Variants in CFAP54 observed in about 807,000 individuals in gnomAD.
CFAP54 encodes the protein cilia- and flagella-associated protein 54.
CFAP54 carries 290 observed loss-of-function variants against 370.4 expected under a neutral mutation model. That is an observed-to-expected ratio of 0.78 (90% CI 0.71 to 0.86). CFAP54 has a LOEUF of 0.86. Among genes scored for constraint, CFAP54 ranks in the 40% least tolerant of loss-of-function variants. The pLI is 0.00. For synonymous variants in CFAP54, 1,206 were observed against 1,236.5 expected, an observed-to-expected ratio of 0.98 and a Z score of 0.52; for missense variants, 3,399 against 3,528.7, an observed-to-expected ratio of 0.96 and a Z score of 0.93.
At chr12:96,510,357 C>T (rs965113154) in intron 4 of CFAP54, among the ~76,000 whole-genome samples, 8 of 151,972 alleles carry the variant, frequency 5.3e-5, no homozygotes, top group Non-Finnish European at 7.4e-5. Context: ...CTCTCTGAGT[C>T]TGGCTTTTGC....
At position 96,679,674 on chromosome 12, in the gene CFAP54, C is replaced by G; in HGVS notation, c.5638C>G (p.Leu1880Val). ...TDTLRCFRET[L>V]EKSKYHNRSI... ...CACCTTGAGGTGTTTTAGAGAGACACTGGAAAAATCCAAATACCATAACAG... is the reference window on the plus strand; with the variant it reads ...CACCTTGAGGTGTTTTAGAGAGACAGTGGAAAAATCCAAATACCATAACAG... Residue 1880 changes from leucine (L) to valine (V), a missense_variant, in exon 40 of 68, where the codon CTG becomes GTG. Leu to Val is a conservative substitution (Grantham distance 32). Transcript: ENST00000524981. The G allele has an allele frequency of 6.2e-7, 1 of 1,614,028 alleles. No homozygotes were observed. The highest frequency in any genetic ancestry group is 1.1e-5 in the South Asian group (1 of 91,054).
intron 65 of CFAP54, among the ~76,000 whole-genome samples, chr12:96,828,017 A>G (rs558427186): frequency 6.5e-5 from 8 of 122,722 alleles, no homozygotes; most frequent in Admixed American, 1.1e-4. Flanking sequence ...AATTATATAT[A>G]ATACGTATTA....
Position 96,500,864 on chromosome 12 carries a change from A to G in CFAP54, c.348A>G (p.Lys116=). 4 of 1,535,636 alleles carry G rather than the reference A, an allele frequency of 2.6e-6. No homozygotes were observed. Among genetic ancestry groups the G allele is most frequent in the Middle Eastern group, 3.3e-4 (2 of 5,986 alleles). The change falls in exon 2 of 68, where the codon AAA becomes AAG. Residue 116 remains lysine, a synonymous_variant. Transcript: ENST00000524981. The part of the protein sequence containing the change: ...CATSLFNIWT[K]YAPRLPADYY... ...CTTCTTTGTTTAATATCTGGACTAA[A>G]TACGCCCCCAGGCTGCCAGCAGACT...
chr12:96,798,364 A>G (rs1958787942), intron 63 of CFAP54, among the ~76,000 whole-genome samples: 1 of 152,090 alleles, frequency 6.6e-6, no homozygotes, highest in Non-Finnish European at 1.5e-5. Flanking sequence ...TATTTGTAAA[A>G]TAAATTTTCA....
intron 49 of CFAP54, among the ~76,000 whole-genome samples, chr12:96,720,203 G>T (rs895427195): frequency 6.6e-6 from 1 of 152,202 alleles, no homozygotes; most frequent in African/African-American, 2.4e-5. Flanking sequence ...GCATGCTGAC[G>T]CTTGCTTTCA....
intron 50 of CFAP54, among the ~76,000 whole-genome samples, chr12:96,731,947 A>T (rs1366820877): frequency 2.0e-5 from 3 of 152,194 alleles, no homozygotes; most frequent in Admixed American, 2.0e-4. Flanking sequence ...ATCAAAGAAG[A>T]ACTTTAAAAC....
intron 39 of CFAP54, among the ~76,000 whole-genome samples, chr12:96,664,702 T>TATAG (rs1402535167): frequency 1.1e-4 from 1 of 9,504 alleles, no homozygotes; most frequent in African/African-American, 4.7e-4. Flanking sequence ...TATATCTATA[T>TATAG]ATATATATAT....
intron 67 of CFAP54, among the ~76,000 whole-genome samples, chr12:96,864,251 G>A (rs1455512332): frequency 6.6e-6 from 1 of 152,112 alleles, no homozygotes; most frequent in Non-Finnish European, 1.5e-5. Flanking sequence ...AACTGAAAGG[G>A]GGAGAAGAAG....
intron 43 of CFAP54, among the ~76,000 whole-genome samples, chr12:96,689,875 G>T (rs1219375832): frequency 6.6e-6 from 1 of 151,986 alleles, no homozygotes; most frequent in Admixed American, 6.6e-5. Flanking sequence ...TATCAGAGAA[G>T]TCTCACAGCT....
intron 36 of CFAP54, among the ~76,000 whole-genome samples, chr12:96,652,894 G>A (rs1956877818): frequency 6.6e-6 from 1 of 152,228 alleles, no homozygotes; most frequent in Non-Finnish European, 1.5e-5. Flanking sequence ...GAGAGATAAA[G>A]AGGGACATTT....
intron 17 of CFAP54, among the ~76,000 whole-genome samples, chr12:96,563,271 G>A (rs1955834231): frequency 6.6e-6 from 1 of 152,134 alleles, no homozygotes; most frequent in Non-Finnish European, 1.5e-5. Flanking sequence ...CAATATCTCT[G>A]GGTTTCCTTG....
chr12:96,832,498 G>C (rs1959174395), intron 66 of CFAP54, among the ~76,000 whole-genome samples: 1 of 151,836 alleles, frequency 6.6e-6, no homozygotes, highest in African/African-American at 2.4e-5. Context: ...TTGTTGTGAA[G>C]ATTAAAGTAG....
chr12:96,874,791 G>A (rs963120575), intron 67 of CFAP54, among the ~76,000 whole-genome samples: 1 of 151,530 alleles, frequency 6.6e-6, no homozygotes, highest in African/African-American at 2.4e-5. Flanking sequence ...CACTACGCCC[G>A]GCTAACTTTT....
intron 66 of CFAP54, among the ~76,000 whole-genome samples, chr12:96,839,133 C>T (rs1292529654): frequency 6.6e-6 from 1 of 152,174 alleles, no homozygotes; most frequent in African/African-American, 2.4e-5. Flanking sequence ...GTCTAGTTGC[C>T]TGGCTCCAAA....
At position 96,533,797 on chromosome 12, in the gene CFAP54, A is replaced by G; in HGVS notation, c.1363A>G (p.Asn455Asp). The change falls in exon 10 of 68, where the codon AAT (asparagine) becomes GAT (aspartate). Residue 455 changes from asparagine (N) to aspartate (D), a missense_variant. Coordinates refer to ENST00000524981, the MANE Select transcript of CFAP54 (RefSeq NM_001306084.2). Reference protein sequence around the residue: ...MAGKELLIMSNIGADGMLDFP... With the variant: ...MAGKELLIMSDIGADGMLDFP... Reference sequence around the variant, plus strand: ...CTCTCTTCTTCCTTTCCTAGTGTCAAATATTGGTGCAGATGGAATGCTTGA... The same window carrying G: ...CTCTCTTCTTCCTTTCCTAGTGTCAGATATTGGTGCAGATGGAATGCTTGA... 1 of 1,509,980 alleles carries G rather than the reference A, an allele frequency of 6.6e-7. No homozygotes were observed. Among genetic ancestry groups the G allele is most frequent in the African/African-American group, 1.4e-5 (1 of 71,544 alleles). 93.5% of individuals were successfully genotyped at this position (1,509,980 alleles called of 1,614,324 possible).
intron 55 of CFAP54, among the ~76,000 whole-genome samples, chr12:96,746,667 G>A (rs1261905639): frequency 6.6e-6 from 1 of 152,116 alleles, no homozygotes; most frequent in Non-Finnish European, 1.5e-5. Flanking sequence ...TTCTTATGAT[G>A]TGGTCCAAGC....
At chr12:96,615,802 A>G (rs1956410196) in intron 26 of CFAP54, among the ~76,000 whole-genome samples, 1 of 152,192 alleles carries the variant, frequency 6.6e-6, no homozygotes, top group Non-Finnish European at 1.5e-5. Context: ...GCAAATCAAA[A>G]CCACAATGAG....
At chr12:96,728,115 C>T (rs1451073585) in intron 50 of CFAP54, among the ~76,000 whole-genome samples, 12 of 152,146 alleles carry the variant, frequency 7.9e-5, no homozygotes, top group Non-Finnish European at 1.6e-4. Context: ...TAACATTTCT[C>T]CCTTCATTTC....
chr12:96,850,406 G>A (rs180834625), intron 66 of CFAP54, among the ~76,000 whole-genome samples: 20 of 152,140 alleles, frequency 1.3e-4, no homozygotes, highest in Admixed American at 6.5e-5. Context: ...GGGAGAGGCT[G>A]CACGAAGCAG....
Sources: allele counts gnomAD v4.1 joint callset (sites outside exome capture counted in the v4.1 genomes callset), GRCh38; gene constraint gnomAD v4.1.1; transcripts MANE v1.5; gene names NCBI Gene and HGNC (gene_info 2026-07-23, HGNC 2026-07-21).